The following PSMD6 variants were observed in gnomAD, a reference collection of about 807,000 sequenced individuals.
PSMD6 encodes the protein proteasome 26S subunit, non-ATPase 6, also known as 26S proteasome non-ATPase regulatory subunit 6.
In PSMD6, 7 loss-of-function variants were observed where a neutral mutation model predicts 44.9. That is an observed-to-expected ratio of 0.16 (90% confidence interval 0.09 to 0.29). The LOEUF (loss-of-function observed/expected upper bound fraction) is 0.29. PSMD6 is among the 10% of genes least tolerant of loss of function. The probability of loss-of-function intolerance (pLI) is 1.00; values close to 1 mark genes in which losing one functional copy is unlikely to be tolerated. For missense variants in PSMD6, 420 were observed against 482.6 expected (o/e 0.87, Z 1.21); for synonymous variants, 184 against 172.7 (o/e 1.07, Z -0.51).
intron 2 of PSMD6, 70 bp from the exon 3 acceptor site, chr3:64,019,511 G>C: frequency 6.6e-7 from 1 of 1,505,748 alleles, no homozygotes; most frequent in Non-Finnish European, 9.0e-7. Context: ...CAGCTGTCTG[G>C]GATTTTCTTC....
rs774026048 is a variant in PSMD6, at chr3:64,019,317, C to T, written c.476G>A (p.Arg159Gln). The change falls in exon 3 of 8, where the codon CGA (arginine) becomes CAA (glutamine). Residue 159 changes from arginine (R) to glutamine (Q), a missense_variant. Physicochemically the swap from Arg to Gln is conservative, Grantham distance 43. This residue lies in a region of PSMD6 where 216 missense variants were observed against 227.0 expected (regional missense o/e 0.95). Coordinates refer to ENST00000295901, the MANE Select transcript of PSMD6 (RefSeq NM_014814.3). ...LFYMDNDLIT[R>Q]NTEKAKSLIE... ...GTACCTTTTGGCCTTTTCTGTGTTTCGTGTGATGAGATCATTATCCATATA... is the reference window on the plus strand; with the variant it reads ...GTACCTTTTGGCCTTTTCTGTGTTTTGTGTGATGAGATCATTATCCATATA... The T allele has an allele frequency of 1.9e-6, 3 of 1,587,198 alleles. No homozygotes were observed. The highest frequency in any genetic ancestry group is 1.3e-5 in the African/African-American group (1 of 74,266).
At chr3:64,015,895 A>G (rs1161621368) in intron 5 of PSMD6, 1 of 152,218 alleles carries the variant, frequency 6.6e-6, no homozygotes, top group African/African-American at 2.4e-5. Context: ...TGCATATAAT[A>G]AACGAGTAAA....
upstream of PSMD6, chr3:64,023,673 C>T: frequency 1.4e-6 from 2 of 1,469,728 alleles, no homozygotes; most frequent in Non-Finnish European, 1.8e-6. Flanking sequence ...TGCAGCCCAA[C>T]TCAAAAGCCC....
At chr3:64,011,007 A>G in intron 6 of PSMD6, 52 bp from the exon 7 acceptor site, 1 of 1,430,590 alleles carries the variant, frequency 7.0e-7, no homozygotes, top group South Asian at 1.2e-5. Context: ...AATTCTTAGA[A>G]AAATGCAAAC....
intron 5 of PSMD6, chr3:64,014,083 G>C (rs1301779242): frequency 6.6e-6 from 1 of 152,452 alleles, no homozygotes; most frequent in Non-Finnish European, 1.5e-5. Context: ...CCTATTGCCT[G>C]TTTATTTGTT....
chr3:64,013,897 A>T (rs2076002954), intron 5 of PSMD6: 1 of 260,600 alleles, frequency 3.8e-6, no homozygotes, highest in African/African-American at 2.2e-5. Flanking sequence ...CTAATATTTT[A>T]ACCACGGAGA....
At chr3:64,020,110 A>G (rs947167234) in intron 2 of PSMD6, among the ~76,000 whole-genome samples, 1 of 152,210 alleles carries the variant, frequency 6.6e-6, no homozygotes, top group Admixed American at 6.5e-5. Context: ...CGTTTATTAG[A>G]GTGAAAATAA....
rs1200841035 is a variant in PSMD6 at position 64,018,725 on chromosome 3, CAT to C, written c.718-20_718-19del. 44 of 1,526,524 alleles carry C rather than the reference CAT, an allele frequency of 2.9e-5. No individual in the cohort carries two copies. Among genetic ancestry groups the C allele is most frequent in the Non-Finnish European group, 3.4e-5 (38 of 1,119,738 alleles). 94.6% of individuals were successfully genotyped at this position (1,526,524 alleles called of 1,614,324 possible). A position where few individuals can be genotyped will look rare whatever the true frequency, so the allele number is the denominator to read the frequency against. On this transcript the variant is annotated intron_variant, in intron 4 of 7. Coordinates refer to ENST00000295901, the MANE Select transcript of PSMD6 (RefSeq NM_014814.3). ...TTAATGACCTAGGTATTTTAAAAAA[CAT>C]ATATACAAAAAAAATGTACATTTTA...
chr3:64,013,326 C>T, intron 6 of PSMD6, 113 bp downstream of exon 6: 2 of 1,114,264 alleles, frequency 1.8e-6, no homozygotes. Context: ...AAACCTCTCC[C>T]CTCCCCGTTA....
intron 1 of PSMD6, chr3:64,023,047 T>C (rs2076157941): frequency 7.0e-7 from 1 of 1,428,352 alleles, no homozygotes; most frequent in Non-Finnish European, 9.1e-7. Flanking sequence ...CAAGCTGCCC[T>C]TACAGGGGAA....
intron 5 of PSMD6, chr3:64,015,693 T>C (rs2076032233): frequency 6.6e-6 from 1 of 152,222 alleles, no homozygotes. Context: ...AAGTGTTACA[T>C]GCTCTTATCT....
At chr3:64,013,942 CATT>C (rs1182223265) in intron 5 of PSMD6, 2 of 183,030 alleles carry the variant, frequency 1.1e-5, no homozygotes, top group Admixed American at 6.1e-5. Context: ...AAGTAAAAAT[CATT>C]TTTTAAACAA....
rs568256037 is a variant in PSMD6 at position 64,022,836 on chromosome 3, C to G, written c.146-313G>C. 28 of 1,534,562 alleles carry G rather than the reference C, an allele frequency of 1.8e-5. No individual in the cohort carries two copies. In the South Asian group the frequency reaches 3.2e-4, roughly 18 times the overall value. On this transcript the variant is annotated intron_variant, in intron 1 of 7. Coordinates refer to ENST00000295901, the MANE Select transcript of PSMD6 (RefSeq NM_014814.3). ...GGGAAAGACTTTTTATACACACATA[C>G]TCACATACATATGTTCAAACATACA...
chr3:64,018,592 T>C lies in PSMD6; in HGVS notation c.826+7A>G, dbSNP rs771153016. 3.3e-6 allele frequency: 5 copies of C among 1,532,036 alleles called. No homozygotes were observed. The highest frequency in any genetic ancestry group is 4.5e-6 in the Non-Finnish European group (5 of 1,108,626). The allele number at this position is 1,532,036 out of a possible 1,614,324, so 94.9% of individuals were successfully genotyped here. Reference sequence around the variant, plus strand: ...CAGATAATCAAAAATATCAACCCTATCCTTACCTAATGATTGGAAGAAAAC... The same window carrying C: ...CAGATAATCAAAAATATCAACCCTACCCTTACCTAATGATTGGAAGAAAAC... On this transcript the variant is annotated splice_region_variant and intron_variant, in intron 5 of 7. Transcript: ENST00000295901.
chr3:64,016,795 G>C (rs2076050924), intron 5 of PSMD6: 1 of 152,066 alleles, frequency 6.6e-6, no homozygotes, highest in Non-Finnish European at 1.5e-5. Flanking sequence ...TTTATCAGAG[G>C]GTTGCCATTA....
rs1237907895 is a variant in PSMD6 at position 64,013,540 on chromosome 3, T to C, written c.894A>G (p.Glu298=). 17 of 1,613,676 alleles carry C rather than the reference T, an allele frequency of 1.1e-5. No homozygotes were observed. Among genetic ancestry groups the C allele is most frequent in the African/African-American group, 1.3e-5 (1 of 74,932 alleles). Residue 298 remains glutamate, a synonymous_variant, in exon 6 of 8, where the codon GAA becomes GAG. Transcript: ENST00000295901. ...GCTGACTGTATGCATGAATTCTCAT[T>C]TCTCTTACATAGTATCGATAATGAG... is the stretch of plus-strand genomic sequence containing the variant. ...FAPHYRYYVR[E]MRIHAYSQLL... is the part of the protein sequence containing the mutation.
intron 6 of PSMD6, chr3:64,013,037 C>G (rs1472738182): frequency 6.4e-6 from 1 of 156,946 alleles, no homozygotes; most frequent in African/African-American, 2.4e-5. Context: ...AACAACCAAT[C>G]TGACCAGAAT....
chr3:64,017,959 GA>G (rs1395186720), intron 5 of PSMD6, among the ~76,000 whole-genome samples: 3 of 152,176 alleles, frequency 2.0e-5, no homozygotes, highest in Admixed American at 1.3e-4. Context: ...AAATAGCCAG[GA>G]AAGAATGGGG....
At chr3:64,011,034 C>A in intron 6 of PSMD6, 79 bp from the exon 7 acceptor site, 1 of 1,180,320 alleles carries the variant, frequency 8.5e-7, no homozygotes, top group South Asian at 1.4e-5. Context: ...AAAATACTGT[C>A]TTAAATTTGT....
Sources: gnomAD v4.1 joint callset for allele counts (sites outside exome capture counted in the v4.1 genomes callset) on GRCh38, gnomAD v4.1.1 for gene constraint, gnomAD v4.1.1 regional missense constraint, MANE v1.5 for transcripts, NCBI Gene and HGNC (gene_info 2026-07-23, HGNC 2026-07-21) for gene names.